RGS6: variants seen among roughly 807,000 people sequenced by gnomAD.
RGS6 encodes regulator of G-protein signaling 6.
Under a neutral mutation model 78.5 loss-of-function variants are expected in RGS6, and 30 were observed. The observed-to-expected ratio is 0.38, with a 90% CI of 0.29 to 0.52. The LOEUF is 0.52. RGS6 is among the 20% of genes least tolerant of loss of function. The pLI is 0.85. For missense variants in RGS6, 495 were observed against 609.7 expected (o/e 0.81, Z 1.98); for synonymous variants, 206 against 206.0 (o/e 1.00, Z 0.00).
intron 17 of RGS6, among the ~76,000 whole-genome samples, chr14:72,542,605 G>T (rs2097341348): frequency 6.6e-6 from 1 of 152,192 alleles, no homozygotes; most frequent in Admixed American, 6.5e-5. Flanking sequence ...AGTGAAGCTG[G>T]GCAGCTCACG....
chr14:72,475,685 C>T (rs1249437740), intron 10 of RGS6, among the ~76,000 whole-genome samples: 6 of 151,920 alleles, frequency 3.9e-5, no homozygotes, highest in East Asian at 1.9e-4. Flanking sequence ...GCAGAGATCG[C>T]GCCATTGTAC....
In RGS6 at chr14:72,433,881, C is replaced by T. The variant is rs143249642; in HGVS notation, c.185-20647C>T. Among the ~76,000 whole-genome samples the T allele has an allele frequency of 5.8e-3, 876 of 152,276 alleles. 5 individuals are homozygous for T. The highest frequency in any genetic ancestry group is 0.027 in the Middle Eastern group (8 of 292). On this transcript the variant is annotated intron_variant, in intron 3 of 17. Coordinates refer to ENST00000553525, the MANE Select transcript of RGS6 (RefSeq NM_001204424.2). ...TCAGGTTGCTGTGCATACAAATGGGCGAATATGTGTAAACTGCTGAGAACA... is the reference window on the plus strand; with the variant it reads ...TCAGGTTGCTGTGCATACAAATGGGTGAATATGTGTAAACTGCTGAGAACA...
intron 2 of RGS6, among the ~76,000 whole-genome samples, chr14:72,227,314 C>G (rs543828142): frequency 2.6e-5 from 4 of 152,048 alleles, no homozygotes; most frequent in Non-Finnish European, 4.4e-5. Context: ...AAGATCTCAC[C>G]GTGTTGCCCA....
At chr14:72,428,922 G>A (rs181870464) in intron 3 of RGS6, among the ~76,000 whole-genome samples, 159 of 152,320 alleles carry the variant, frequency 1.0e-3, no homozygotes, top group Non-Finnish European at 1.8e-3. Context: ...GAGCAAGCCT[G>A]AGAATGTGCA....
intron 3 of RGS6, among the ~76,000 whole-genome samples, chr14:72,408,716 C>CTATCAT (rs1408057915): frequency 6.6e-6 from 1 of 152,190 alleles, no homozygotes; most frequent in African/African-American, 2.4e-5. Context: ...ACTATGTTAA[C>CTATCAT]TGTCACAATC....
chr14:72,028,146 G>A (rs1746782817), intron 2 of RGS6, among the ~76,000 whole-genome samples: 1 of 152,186 alleles, frequency 6.6e-6, no homozygotes, highest in Non-Finnish European at 1.5e-5. Context: ...CTGAAAACAC[G>A]AACTTCTATC....
chr14:72,391,018 G>A (rs1201296475), intron 3 of RGS6, among the ~76,000 whole-genome samples: 5 of 152,120 alleles, frequency 3.3e-5, no homozygotes, highest in African/African-American at 1.2e-4. Flanking sequence ...GTGTTGTCCT[G>A]GGCTGGAAGC....
the RGS6 span, among the ~76,000 whole-genome samples, chr14:71,871,854 C>T: frequency 6.6e-6 from 1 of 152,164 alleles, no homozygotes; most frequent in Non-Finnish European, 1.5e-5. Context: ...CATTCTGTGC[C>T]CCCTACTGTC....
intron 2 of RGS6, among the ~76,000 whole-genome samples, chr14:71,983,130 A>G (rs1233063579): frequency 6.6e-6 from 1 of 152,208 alleles, no homozygotes; most frequent in Admixed American, 6.5e-5. Flanking sequence ...CAGGATCTGG[A>G]CTGGGCATCT....
At chr14:72,601,095 G>GAAT in the RGS6 span, among the ~76,000 whole-genome samples, 1 of 151,842 alleles carries the variant, frequency 6.6e-6, no homozygotes, top group African/African-American at 2.4e-5. Flanking sequence ...GGAGGAAAGG[G>GAAT]AATAGGTCCC....
chr14:72,416,663 C>G (rs569165853), intron 3 of RGS6, among the ~76,000 whole-genome samples: 2 of 152,276 alleles, frequency 1.3e-5, no homozygotes, highest in African/African-American at 4.8e-5. Context: ...CTAATATAAC[C>G]TGTGTCAGTA....
intron 3 of RGS6, among the ~76,000 whole-genome samples, chr14:72,408,548 G>A (rs2093139150): frequency 6.6e-6 from 1 of 152,164 alleles, no homozygotes; most frequent in African/African-American, 2.4e-5. Flanking sequence ...CTCATTTTGT[G>A]TTGTGTGGGA....
chr14:72,252,255 A>C (rs1375183962), intron 2 of RGS6, among the ~76,000 whole-genome samples: 1 of 4,076 alleles, frequency 2.5e-4, no homozygotes, highest in Non-Finnish European at 3.7e-4. Flanking sequence ...ATTGACAGAA[A>C]AGGTTTTCAA....
intron 2 of RGS6, among the ~76,000 whole-genome samples, chr14:72,115,478 C>T (rs956512711): frequency 2.6e-5 from 4 of 152,082 alleles, no homozygotes; most frequent in African/African-American, 4.8e-5. Context: ...ATGATGGAGG[C>T]GACTTCCAGG....
chr14:71,871,751 C>A, the RGS6 span, among the ~76,000 whole-genome samples: 1 of 152,102 alleles, frequency 6.6e-6, no homozygotes, highest in Non-Finnish European at 1.5e-5. Context: ...TTGCTGTTCC[C>A]ATGTCTATTA....
intron 4 of RGS6, among the ~76,000 whole-genome samples, chr14:72,455,705 C>T (rs1410368215): frequency 6.6e-6 from 1 of 152,176 alleles, no homozygotes; most frequent in South Asian, 2.1e-4. Flanking sequence ...AATGCTAACC[C>T]TTTGTAAAGG....
At chr14:71,884,349 GA>G in the RGS6 span, among the ~76,000 whole-genome samples, 4 of 152,258 alleles carry the variant, frequency 2.6e-5, no homozygotes, top group Non-Finnish European at 5.9e-5. Flanking sequence ...AAGAGGTAAA[GA>G]AGAAAGCACA....
rs147861437 is a variant in RGS6 at position 72,205,264 on chromosome 14, A to G, written c.85-146831A>G. ...CCAAGATACTATCCTTGTACCCATT[A>G]TGGTTTATTCTCTTTCTTCCATGCA... On this transcript the variant is annotated intron_variant, in intron 2 of 17. Coordinates refer to ENST00000553525, the MANE Select transcript of RGS6 (RefSeq NM_001204424.2). Among the ~76,000 whole-genome samples, 83 of 151,806 alleles carry G rather than the reference A, an allele frequency of 5.5e-4. 1 individual carries two copies. The East Asian group carries it at 0.015, about 28-fold the overall frequency.
chr14:72,469,333 A>C (rs2096013393), intron 7 of RGS6, among the ~76,000 whole-genome samples: 1 of 151,686 alleles, frequency 6.6e-6, no homozygotes, highest in Admixed American at 6.6e-5. Flanking sequence ...CAGTCTCCCA[A>C]ATAGTTGGGA....
Sources: allele counts gnomAD v4.1 joint callset (sites outside exome capture counted in the v4.1 genomes callset), GRCh38; gene constraint gnomAD v4.1.1; transcripts MANE v1.5; gene names NCBI Gene and HGNC (gene_info 2026-07-23, HGNC 2026-07-21).